The following KIF13B variants were observed in gnomAD, a reference collection of about 807,000 sequenced individuals.
KIF13B encodes the protein kinesin-like protein KIF13B.
KIF13B carries 127 observed loss-of-function variants against 222.0 expected under a neutral mutation model. That is an observed-to-expected ratio of 0.57 (90% CI 0.50 to 0.66). The LOEUF is 0.66. Ranked by LOEUF, KIF13B falls within the 30% of genes least tolerant of loss-of-function variation. The pLI is 0.00. For synonymous variants in KIF13B, 976 were observed against 919.0 expected (o/e 1.06, Z -1.12); for missense variants, 2,173 against 2,379.0 (o/e 0.91, Z 1.80).
At chr8:29,102,523 C>T (rs1480502160) in intron 35 of KIF13B, among the ~76,000 whole-genome samples, 2 of 152,348 alleles carry the variant, frequency 1.3e-5, no homozygotes, top group East Asian at 1.9e-4. Context: ...AAAGTAAGAA[C>T]GCCGGAGGCT....
At chr8:29,105,650 GTTTTTTTTT>G (rs869030059) in intron 35 of KIF13B, among the ~76,000 whole-genome samples, 9 of 78,070 alleles carry the variant, frequency 1.2e-4, no homozygotes, top group South Asian at 1.1e-3. Flanking sequence ...AGTTTGTTTG[GTTTTTTTTT>G]TTTTTTTTTT....
intron 7 of KIF13B, among the ~76,000 whole-genome samples, chr8:29,181,546 T>C (rs1812712936): frequency 6.6e-6 from 1 of 152,074 alleles, no homozygotes; most frequent in Non-Finnish European, 1.5e-5. Context: ...AAGAAGAATG[T>C]TTACAAAAAA....
chr8:29,076,123 G>A (rs979805418), intron 37 of KIF13B, among the ~76,000 whole-genome samples: 1 of 152,216 alleles, frequency 6.6e-6, no homozygotes, highest in African/African-American at 2.4e-5. Flanking sequence ...CTCGGGGAGA[G>A]AAGGAACCAG....
intron 1 of KIF13B, among the ~76,000 whole-genome samples, chr8:29,248,405 C>T (rs1024535076): frequency 3.9e-5 from 6 of 152,266 alleles, no homozygotes; most frequent in East Asian, 1.9e-4. Flanking sequence ...AAGATATACT[C>T]GAGACTGGGC....
intron 2 of KIF13B, among the ~76,000 whole-genome samples, chr8:29,205,778 C>G (rs910266719): frequency 6.6e-6 from 1 of 152,060 alleles, no homozygotes; most frequent in South Asian, 2.1e-4. Flanking sequence ...AGTTGGAAAG[C>G]TTGGTACTTC....
chr8:29,155,791 A>C lies in KIF13B; in HGVS notation c.1470T>G (p.Pro490=), dbSNP rs1460418882. ...DIQLCGMGIL[P]EHCIIDITSE... Reference sequence around the variant, plus strand: ...ACGTGATGTCTATAATACAGTGTTCAGGAAGAATTCCCATGCCGCACAGTT... The same window carrying C: ...ACGTGATGTCTATAATACAGTGTTCCGGAAGAATTCCCATGCCGCACAGTT... Residue 490 remains proline, a synonymous_variant, in exon 14 of 40, where the codon CCT becomes CCG. Transcript: ENST00000524189. 1 of 1,598,730 alleles carries C rather than the reference A, an allele frequency of 6.3e-7. No homozygotes were observed. Among genetic ancestry groups the C allele is most frequent in the South Asian group, 1.1e-5 (1 of 88,398 alleles).
Position 29,186,485 on chromosome 8 carries a change from A to T in KIF13B, c.317-13T>A, listed in dbSNP as rs1040745340. 2 of 1,595,612 alleles carry T rather than the reference A, an allele frequency of 1.3e-6. No homozygotes were observed. The highest frequency in any genetic ancestry group is 1.7e-6 in the Non-Finnish European group (2 of 1,173,666). On this transcript the variant is annotated splice_polypyrimidine_tract_variant and intron_variant, in intron 5 of 39. Coordinates refer to ENST00000524189, the MANE Select transcript of KIF13B (RefSeq NM_015254.4). The stretch of plus-strand genomic sequence containing the variant: ...GATTTTCCAGAGCCTAAAAAAATGG[A>T]AATCAGAGTTACTATTGTCTCTTTG...
In KIF13B at chr8:29,127,179, G is replaced by C; in HGVS notation, c.3165C>G (p.Gly1055=). 6 of 1,613,926 alleles carry C rather than the reference G, an allele frequency of 3.7e-6. No homozygotes were observed. Among genetic ancestry groups the C allele is most frequent in the Non-Finnish European group, 5.1e-6 (6 of 1,179,842 alleles). ...GCGGTCTAACTTTGACACATCCAAT[G>C]CCAACAGACAGTATACATTCTTCCA... is the stretch of plus-strand genomic sequence containing the variant. ...PLMEECILSV[G]IGCVKVRPLR... The change falls in exon 25 of 40, where the codon GGC becomes GGG. Residue 1055 remains glycine (G), a synonymous_variant. Coordinates refer to ENST00000524189, the MANE Select transcript of KIF13B (RefSeq NM_015254.4).
At chr8:29,143,348 T>C (rs1476301208) in intron 18 of KIF13B, among the ~76,000 whole-genome samples, 1 of 152,242 alleles carries the variant, frequency 6.6e-6, no homozygotes, top group Non-Finnish European at 1.5e-5. Flanking sequence ...TTGTAATGGA[T>C]GGCATCTTCA....
At position 29,109,937 on chromosome 8, in the gene KIF13B, G is replaced by C. The variant is rs1427246929; in HGVS notation, c.4064C>G (p.Thr1355Ser). 6 of 1,613,662 alleles carry C rather than the reference G, an allele frequency of 3.7e-6. No individual in the cohort carries two copies. Among genetic ancestry groups the C allele is most frequent in the Non-Finnish European group, 5.1e-6 (6 of 1,179,798 alleles). ...GCTAACCTGGCGCAGACGATCTAAA[G>C]TCAGGAGGTTTTCTACAGCCAGCAC... ...RSVLAVENLL[T>S]LDRLRQEVAV... is the part of the protein sequence containing the mutation. The change falls in exon 33 of 40, where the codon ACT becomes AGT. Residue 1355 changes from threonine (T) to serine (S), a missense_variant. Physicochemically the swap from Thr to Ser is moderately conservative, Grantham distance 58. Coordinates refer to ENST00000524189, the MANE Select transcript of KIF13B (RefSeq NM_015254.4).
At chr8:29,124,270 G>C in intron 26 of KIF13B, 147 bp from the exon 27 acceptor site, 1 of 557,834 alleles carries the variant, frequency 1.8e-6, no homozygotes, top group Non-Finnish European at 3.1e-6. Flanking sequence ...AGTTGACTGC[G>C]CCCATCTTTC....
intron 2 of KIF13B, among the ~76,000 whole-genome samples, chr8:29,215,677 G>A (rs1814446138): frequency 6.6e-6 from 1 of 152,240 alleles, no homozygotes; most frequent in Non-Finnish European, 1.5e-5. Flanking sequence ...GGACGACAAG[G>A]TGAGACCCTT....
chr8:29,192,108 G>A (rs1043446688), intron 3 of KIF13B, among the ~76,000 whole-genome samples: 1 of 152,036 alleles, frequency 6.6e-6, no homozygotes, highest in Non-Finnish European at 1.5e-5. Flanking sequence ...TTCCATTACT[G>A]AAGCCCAGAT....
rs184811216 is a variant in KIF13B, at chr8:29,168,385, C to T, written c.946-800G>A. Among the ~76,000 whole-genome samples, 21 of 152,350 alleles carry T rather than the reference C, an allele frequency of 1.4e-4. No homozygotes were observed. In the East Asian group the frequency reaches 3.1e-3, roughly 22 times the overall value. On this transcript the variant is annotated intron_variant, in intron 10 of 39. Coordinates refer to ENST00000524189, the MANE Select transcript of KIF13B (RefSeq NM_015254.4). ...AAGACTTGGGGCATCAAGCCCACTG[C>T]GCTCTGCTGCACCACAGACAAGGCT...
intron 10 of KIF13B, among the ~76,000 whole-genome samples, chr8:29,172,893 A>G (rs1455331450): frequency 6.6e-6 from 1 of 151,850 alleles, no homozygotes; most frequent in Non-Finnish European, 1.5e-5. Context: ...TTAAGTTAAC[A>G]AAAGATATTT....
At chr8:29,177,670 G>A (rs1030592503) in intron 8 of KIF13B, 92 bp from the exon 9 acceptor site, 1 of 846,710 alleles carries the variant, frequency 1.2e-6, no homozygotes. Context: ...GGGAGGACAA[G>A]GAAGGAGGAT....
Position 29,092,734 on chromosome 8 carries a change from G to A in KIF13B, c.4458+11C>T. On this transcript the variant is annotated intron_variant, in intron 37 of 39. Coordinates refer to ENST00000524189, the MANE Select transcript of KIF13B (RefSeq NM_015254.4). Reference sequence around the variant, plus strand: ...AAAAACGTTCACAGCTGTTTTCTCGGTGCTTTTTACCTGGTGTGCGAGGGG... The same window carrying A: ...AAAAACGTTCACAGCTGTTTTCTCGATGCTTTTTACCTGGTGTGCGAGGGG... 1 of 1,603,856 alleles carries A rather than the reference G, an allele frequency of 6.2e-7. No homozygotes were observed. Among genetic ancestry groups the A allele is most frequent in the Non-Finnish European group, 8.5e-7 (1 of 1,176,510 alleles).
At chr8:29,096,717 G>C (rs998989527) in intron 36 of KIF13B, among the ~76,000 whole-genome samples, 8 of 152,082 alleles carry the variant, frequency 5.3e-5, no homozygotes, top group South Asian at 2.1e-4. Context: ...ACTGTTGCAT[G>C]GTTCCTGTAT....
At position 29,193,465 on chromosome 8, in the gene KIF13B, G is replaced by T. The variant is rs144050222; in HGVS notation, c.163-2408C>A. 2.0e-5 allele frequency among the ~76,000 whole-genome samples: 3 copies of T among 152,270 alleles called. No individual in the cohort carries two copies. The East Asian group carries it at 5.8e-4, about 29-fold the overall frequency. ...AGTAAATAAAATGTGGAGCTCAAAC[G>T]AAGTTTCTCCTGTTCTAGCTTTCCA... On this transcript the variant is annotated intron_variant, in intron 3 of 39. Coordinates refer to ENST00000524189, the MANE Select transcript of KIF13B (RefSeq NM_015254.4).
Sources: allele counts gnomAD v4.1 joint callset (sites outside exome capture counted in the v4.1 genomes callset), GRCh38; gene constraint gnomAD v4.1.1; transcripts MANE v1.5; gene names NCBI Gene and HGNC (gene_info 2026-07-23, HGNC 2026-07-21).